The following MAOB variants were observed in gnomAD, a reference collection of about 807,000 sequenced individuals.
MAOB encodes amine oxidase [flavin-containing] B.
In MAOB, 15 loss-of-function variants were observed where a neutral mutation model predicts 41.9. That is an observed-to-expected ratio of 0.36 (90% confidence interval 0.24 to 0.55). The LOEUF (loss-of-function observed/expected upper bound fraction) is 0.55. MAOB is among the 20% of genes least tolerant of loss of function. The probability of loss-of-function intolerance (pLI) is 0.86; values close to 1 mark genes in which losing one functional copy is unlikely to be tolerated. For synonymous variants in MAOB, 167 were observed against 144.2 expected (o/e 1.16, Z -1.13); for missense variants, 345 against 398.7 (o/e 0.87, Z 1.15).
chrX:43,869,664 A>T (rs2035387947), intron 1 of MAOB, among the ~76,000 whole-genome samples: 1 of 112,598 alleles, frequency 8.9e-6, no homozygotes, highest in African/African-American at 3.2e-5. Context: ...AGAAAATAAA[A>T]TGAAAGAAAA....
rs373144745 is a variant in MAOB at position 43,801,694 on chromosome X, CAT to C, written c.476+476_476+477del. Among the ~76,000 whole-genome samples the C allele has an allele frequency of 3.7e-3, 417 of 111,949 alleles. 3 individuals are homozygous for C. The highest frequency in any genetic ancestry group is 0.012 in the African/African-American group (378 of 30,786). ...AAGGGGAACAGCCAGTCCAGTCACA[CAT>C]GTTTCCCCTGTAGTTGTGACCTATC... On this transcript the variant is annotated intron_variant, in intron 5 of 14. Coordinates refer to ENST00000378069, the MANE Select transcript of MAOB (RefSeq NM_000898.5).
chrX:43,775,400 CTGA>C, intron 11 of MAOB, 128 bp from the exon 12 acceptor site: 5 of 1,030,557 alleles, frequency 4.9e-6, no homozygotes, highest in Non-Finnish European at 6.3e-6. Flanking sequence ...TTGCATTATC[CTGA>C]TGTTTTTAAA....
intron 3 of MAOB, among the ~76,000 whole-genome samples, chrX:43,812,037 T>C (rs1687058338): frequency 8.9e-6 from 1 of 111,734 alleles, no homozygotes; most frequent in African/African-American, 3.3e-5. Flanking sequence ...CTACTCTCTA[T>C]GTCCATGAGT....
At chrX:43,815,093 A>G (rs2034793191) in intron 3 of MAOB, among the ~76,000 whole-genome samples, 1 of 111,305 alleles carries the variant, frequency 9.0e-6, no homozygotes, top group Admixed American at 9.6e-5. Flanking sequence ...TGCTGCTTGT[A>G]TCAGCCATTT....
intron 1 of MAOB, among the ~76,000 whole-genome samples, chrX:43,868,641 C>T (rs2035380677): frequency 9.0e-6 from 1 of 110,512 alleles, no homozygotes; most frequent in Non-Finnish European, 1.9e-5. Flanking sequence ...CTTATAAGGC[C>T]AGGAATATCA....
At chrX:43,843,006 C>T (rs2035157023) in intron 2 of MAOB, among the ~76,000 whole-genome samples, 1 of 110,948 alleles carries the variant, frequency 9.0e-6, no homozygotes, top group Non-Finnish European at 1.9e-5. Flanking sequence ...TGCACAGTAA[C>T]TGTAGTAATA....
intron 3 of MAOB, among the ~76,000 whole-genome samples, chrX:43,836,134 G>T (rs1255333985): frequency 8.9e-6 from 1 of 111,905 alleles, no homozygotes; most frequent in Non-Finnish European, 1.9e-5. Flanking sequence ...GTAATAGAGG[G>T]CAGTGTTCAA....
intron 1 of MAOB, among the ~76,000 whole-genome samples, chrX:43,874,489 T>C (rs1329879712): frequency 2.7e-5 from 3 of 111,847 alleles, no homozygotes; most frequent in Non-Finnish European, 5.6e-5. Context: ...CACACGACCA[T>C]CCACCTTATC....
chrX:43,770,250 G>A (rs2034165658), intron 12 of MAOB, among the ~76,000 whole-genome samples: 1 of 111,374 alleles, frequency 9.0e-6, no homozygotes, highest in Non-Finnish European at 1.9e-5. Flanking sequence ...TCCAACTTGA[G>A]ACCTCCCACT....
intron 10 of MAOB, among the ~76,000 whole-genome samples, chrX:43,779,003 T>A (rs2034296235): frequency 8.9e-6 from 1 of 111,925 alleles, no homozygotes; most frequent in Admixed American, 9.5e-5. Context: ...ATGGTATTAT[T>A]TTATTATTTT....
Position 43,802,173 on chromosome X carries a change from C to T in MAOB, c.475G>A (p.Glu159Lys), listed in dbSNP as rs745859820. The part of the protein sequence containing the change: ...KELLDKLCWT[E>K]SAKQLATLFV... ...CCTGTGCCTAATGGCAAGACTTACT[C>T]AGTCCAGCAGAGCTTGTCCAGTAGC... The change falls in exon 5 of 15, where the codon GAA becomes AAA. Residue 159 changes from glutamate to lysine, a missense_variant and splice_region_variant. Coordinates refer to ENST00000378069, the MANE Select transcript of MAOB (RefSeq NM_000898.5). The T allele has an allele frequency of 5.8e-6, 7 of 1,202,645 alleles. No individual in the cohort carries two copies. The highest frequency in any genetic ancestry group is 2.2e-5 in the Admixed American group (1 of 45,694).
chrX:43,768,912 C>T (rs1380331977), intron 13 of MAOB, among the ~76,000 whole-genome samples, 196 bp from the exon 14 acceptor site: 2 of 111,686 alleles, frequency 1.8e-5, no homozygotes, highest in East Asian at 2.8e-4. Context: ...AATCATTAGG[C>T]TTACCATAAA....
chrX:43,785,396 C>T (rs1256650563), intron 8 of MAOB, among the ~76,000 whole-genome samples: 2 of 112,588 alleles, frequency 1.8e-5, no homozygotes, highest in African/African-American at 3.2e-5. Flanking sequence ...TGGATCTAGG[C>T]TTTGGCTTAA....
At chrX:43,778,204 T>A (rs2034283560) in intron 11 of MAOB, among the ~76,000 whole-genome samples, 2 of 111,172 alleles carry the variant, frequency 1.8e-5, no homozygotes, top group African/African-American at 6.6e-5. Flanking sequence ...GTAATCTTAT[T>A]TTTTTACTGT....
chrX:43,777,090 C>T (rs1158570176), intron 11 of MAOB, among the ~76,000 whole-genome samples: 2 of 111,036 alleles, frequency 1.8e-5, no homozygotes, highest in African/African-American at 3.3e-5. Context: ...ATGTCTTTTA[C>T]ACTGTTGGTG....
chrX:43,818,138 T>C, intron 3 of MAOB, among the ~76,000 whole-genome samples: 1 of 112,515 alleles, frequency 8.9e-6, no homozygotes, highest in African/African-American at 3.2e-5. Flanking sequence ...TCTTTTTGTG[T>C]CTGATTTATT....
chrX:43,834,049 A>C (rs1289868721), intron 3 of MAOB, among the ~76,000 whole-genome samples: 1 of 112,180 alleles, frequency 8.9e-6, no homozygotes, highest in Non-Finnish European at 1.9e-5. Flanking sequence ...CCTTGAAAAA[A>C]TCTTCCATAA....
intron 1 of MAOB, among the ~76,000 whole-genome samples, chrX:43,851,962 A>C (rs2035255110): frequency 1.8e-5 from 2 of 111,888 alleles, no homozygotes; most frequent in South Asian, 3.8e-4. Flanking sequence ...ACAAAGACTA[A>C]GGTAGTCAGC....
intron 3 of MAOB, among the ~76,000 whole-genome samples, chrX:43,817,204 T>C (rs1166039867): frequency 9.2e-6 from 1 of 108,730 alleles, no homozygotes; most frequent in African/African-American, 3.4e-5. Context: ...CTTTGGGGAG[T>C]CTGGTGAATT....
Sources: allele counts gnomAD v4.1 joint callset (sites outside exome capture counted in the v4.1 genomes callset), GRCh38; gene constraint gnomAD v4.1.1; transcripts MANE v1.5; gene names NCBI Gene and HGNC (gene_info 2026-07-23, HGNC 2026-07-21).